The following DAGLB variants were observed in gnomAD, a reference collection of about 807,000 sequenced individuals.
The protein encoded by DAGLB is diacylglycerol lipase beta.
In DAGLB, 66 loss-of-function variants were observed where a neutral mutation model predicts 72.1. That is an observed-to-expected ratio of 0.92 (90% CI 0.75 to 1.12). The LOEUF is 1.12. Among genes scored for constraint, DAGLB ranks in the 50% most tolerant of loss-of-function variants. The probability of loss-of-function intolerance (pLI) is 0.00; values close to 1 mark genes in which losing one functional copy is unlikely to be tolerated. For missense variants in DAGLB, 1,065 were observed against 884.9 expected, an observed-to-expected ratio of 1.20 and a Z score of -2.58; for synonymous variants, 414 against 359.5, an observed-to-expected ratio of 1.15 and a Z score of -1.71.
In DAGLB at chr7:6,410,019, C is replaced by A; in HGVS notation, c.1837G>T (p.Ala613Ser). Reference sequence around the variant, plus strand: ...GACCACTTGGCGCTATAGTGAGCAGCAGAGCAGCAGCCAAACCTGAAGCAG... The same window carrying A: ...GACCACTTGGCGCTATAGTGAGCAGAAGAGCAGCAGCCAAACCTGAAGCAG... Reference protein sequence around the residue: ...GASGRFGCCSAAHYSAKWSHE... With the variant: ...GASGRFGCCSSAHYSAKWSHE... The change falls in exon 15 of 15, where the codon GCT (alanine) becomes TCT (serine). Residue 613 changes from alanine to serine, a missense_variant. Ala to Ser is a moderately conservative substitution (Grantham distance 99, BLOSUM62 1). Coordinates refer to ENST00000297056, the MANE Select transcript of DAGLB (RefSeq NM_139179.4). The A allele has an allele frequency of 6.2e-7, 1 of 1,613,504 alleles. No individual in the cohort carries two copies. The highest frequency in any genetic ancestry group is 8.5e-7 in the Non-Finnish European group (1 of 1,179,646).
At position 6,436,368 on chromosome 7, in the gene DAGLB, A is replaced by G. The variant is rs370946354; in HGVS notation, c.413T>C (p.Val138Ala). Reference protein sequence around the residue: ...TVVNGIIATVVVSWIIIAATV... With the variant: ...TVVNGIIATVAVSWIIIAATV... ...AGAAGAAGGGAGATGTCACCTGACC[A>G]CGACGGTTGCGATGATGCCGTTTAC... The change falls in exon 3 of 15, where the codon GTG becomes GCG. Residue 138 changes from valine (V) to alanine (A), a missense_variant. Physicochemically the swap from Val to Ala is moderately conservative, Grantham distance 64 (BLOSUM62 0). Transcript: ENST00000297056. 8 of 1,608,054 alleles carry G rather than the reference A, an allele frequency of 5.0e-6. No individual in the cohort carries two copies. The highest frequency in any genetic ancestry group is 6.8e-6 in the Non-Finnish European group (8 of 1,178,180).
Position 6,447,739 on chromosome 7 carries a change from C to A in DAGLB, c.95+9G>T. 6.2e-7 allele frequency: 1 copy of A among 1,611,076 alleles called. No individual in the cohort carries two copies. The stretch of plus-strand genomic sequence containing the variant: ...TGGGCTCCACCGCCCCCGTAGCCGC[C>A]GTCCTTACCACAGCACTCGCACGAC... On this transcript the variant is annotated intron_variant, in intron 1 of 14. Coordinates refer to ENST00000297056, the MANE Select transcript of DAGLB (RefSeq NM_139179.4).
intron 13 of DAGLB, 26 bp downstream of exon 13, chr7:6,412,784 GA>G: frequency 6.4e-7 from 1 of 1,565,132 alleles, no homozygotes. Context: ...GTGTCCTGCT[GA>G]CCCTCTCAAC....
At chr7:6,419,249 T>C (rs1399979662) in intron 9 of DAGLB, among the ~76,000 whole-genome samples, 1 of 151,846 alleles carries the variant, frequency 6.6e-6, no homozygotes, top group Non-Finnish European at 1.5e-5. Flanking sequence ...CTCAAACTCC[T>C]GACCTCAAAG....
In DAGLB at chr7:6,434,943, GA is replaced by G; in HGVS notation, c.496del (p.Ser166ProfsTer110). 1 of 1,614,074 alleles carries G rather than the reference GA, an allele frequency of 6.2e-7. No homozygotes were observed. Among genetic ancestry groups the G allele is most frequent in the Non-Finnish European group, 8.5e-7 (1 of 1,180,016 alleles). ...DPLGGKMAPY[S>X]SAGPSHLDSH... ...ATCCAGGTGGCTGGGGCCGGCAGAG[GA>G]ATATGGAGCCATTTTCCCCCCAAGA... On this transcript the variant is annotated frameshift_variant, in exon 4 of 15. Transcript: ENST00000297056. LOFTEE classifies it high-confidence loss of function.
At chr7:6,440,676 C>T (rs1207984951) in intron 2 of DAGLB, among the ~76,000 whole-genome samples, 3 of 152,140 alleles carry the variant, frequency 2.0e-5, no homozygotes, top group African/African-American at 7.2e-5. Context: ...GCGGGAAGTT[C>T]GAGACCAGCC....
intron 11 of DAGLB, 122 bp downstream of exon 11, chr7:6,416,505 T>A: frequency 7.0e-7 from 1 of 1,437,760 alleles, no homozygotes. Context: ...ATCACGCCAC[T>A]GCACTCCAGC....
chr7:6,435,980 T>C (rs1583298271), intron 3 of DAGLB, among the ~76,000 whole-genome samples: 1 of 152,166 alleles, frequency 6.6e-6, no homozygotes, highest in South Asian at 2.1e-4. Flanking sequence ...CTGGACACCG[T>C]ATCTCTTTTC....
intron 8 of DAGLB, among the ~76,000 whole-genome samples, chr7:6,423,580 T>A (rs1039917867): frequency 6.6e-6 from 1 of 151,112 alleles, no homozygotes; most frequent in Non-Finnish European, 1.5e-5. Flanking sequence ...CCCGCCACCA[T>A]GCCCGGCTAA....
Position 6,426,131 on chromosome 7 carries a change from G to A in DAGLB, c.930-17C>T. ...CTTCTGCAGCTAAAAAGAGGACAAA[G>A]ACGTTACTATGCCGAACAGAGCCAC... On this transcript the variant is annotated splice_polypyrimidine_tract_variant and intron_variant, in intron 6 of 14. Coordinates refer to ENST00000297056, the MANE Select transcript of DAGLB (RefSeq NM_139179.4). The A allele has an allele frequency of 6.2e-7, 1 of 1,612,924 alleles. No homozygotes were observed. The highest frequency in any genetic ancestry group is 8.5e-7 in the Non-Finnish European group (1 of 1,179,680).
intron 6 of DAGLB, among the ~76,000 whole-genome samples, chr7:6,429,202 T>G (rs562881525): frequency 9.9e-5 from 15 of 151,962 alleles, no homozygotes; most frequent in Non-Finnish European, 1.9e-4. Flanking sequence ...TGGCATCATG[T>G]ATCCCCTGAT....
intron 2 of DAGLB, among the ~76,000 whole-genome samples, chr7:6,439,712 C>T (rs954746732): frequency 5.9e-5 from 9 of 152,086 alleles, no homozygotes; most frequent in African/African-American, 2.2e-4. Context: ...TCAAACCTCC[C>T]ACAAGGTGCA....
At chr7:6,442,813 G>A (rs919901326) in intron 2 of DAGLB, among the ~76,000 whole-genome samples, 3 of 152,130 alleles carry the variant, frequency 2.0e-5, no homozygotes, top group Admixed American at 6.6e-5. Flanking sequence ...AGCACTTTGG[G>A]AGGATGAGGT....
intron 13 of DAGLB, among the ~76,000 whole-genome samples, chr7:6,412,401 A>G (rs1298549121): frequency 1.3e-5 from 2 of 152,220 alleles, no homozygotes; most frequent in African/African-American, 4.8e-5. Context: ...GTTAGTCACA[A>G]GACAGGACTA....
At chr7:6,410,816 T>C (rs1215666823) in intron 13 of DAGLB, among the ~76,000 whole-genome samples, 9 of 151,850 alleles carry the variant, frequency 5.9e-5, no homozygotes, top group Non-Finnish European at 1.0e-4. Flanking sequence ...GCGATTCTCC[T>C]ACCTCAGCCT....
intron 13 of DAGLB, 31 bp from the exon 14 acceptor site, chr7:6,410,411 GTCAC>G: frequency 6.4e-7 from 1 of 1,571,494 alleles, no homozygotes; most frequent in Non-Finnish European, 8.7e-7. Context: ...GTAGAATGCT[GTCAC>G]TCACCCTCTG....
chr7:6,410,083 C>A (rs1287518866), intron 14 of DAGLB, 47 bp downstream of exon 14: 1 of 1,588,056 alleles, frequency 6.3e-7, no homozygotes, highest in East Asian at 2.2e-5. Flanking sequence ...CAGGGCTGAC[C>A]CCGCGCTGCT....
intron 2 of DAGLB, among the ~76,000 whole-genome samples, chr7:6,442,253 A>C (rs1355800306): frequency 6.6e-6 from 1 of 152,082 alleles, no homozygotes; most frequent in Non-Finnish European, 1.5e-5. Context: ...TGTTTGGAGG[A>C]GGCTGTGGGA....
chr7:6,436,205 A>T (rs1476156943), intron 3 of DAGLB, among the ~76,000 whole-genome samples, 157 bp downstream of exon 3: 1 of 152,202 alleles, frequency 6.6e-6, no homozygotes, highest in Non-Finnish European at 1.5e-5. Flanking sequence ...ATGGACAAAC[A>T]GTGTCTCTAA....
Sources: allele counts gnomAD v4.1 joint callset (sites outside exome capture counted in the v4.1 genomes callset), GRCh38; gene constraint gnomAD v4.1.1; transcripts MANE v1.5; gene names NCBI Gene and HGNC (gene_info 2026-07-23, HGNC 2026-07-21).